The following COL26A1 variants were observed in gnomAD, a reference collection of about 807,000 sequenced individuals.
COL26A1 encodes the protein collagen type XXVI alpha 1 chain, also known as collagen alpha-1(XXVI) chain.
A neutral mutation model predicts 59.3 loss-of-function variants in COL26A1; 41 were observed. That is an observed-to-expected ratio of 0.69 (90% CI 0.54 to 0.90). COL26A1 has a LOEUF of 0.90. COL26A1 is among the 40% of genes least tolerant of loss of function. The probability of loss-of-function intolerance (pLI) is 0.00; values close to 1 mark genes in which losing one functional copy is unlikely to be tolerated. For synonymous variants in COL26A1, 266 were observed against 256.0 expected, an observed-to-expected ratio of 1.04 and a Z score of -0.37; for missense variants, 612 against 602.3, an observed-to-expected ratio of 1.02 and a Z score of -0.17.
intron 1 of COL26A1, among the ~76,000 whole-genome samples, chr7:101,399,949 G>A (rs553530342): frequency 3.0e-4 from 46 of 152,272 alleles, no homozygotes; most frequent in African/African-American, 9.1e-4. Flanking sequence ...AGATGCTGCC[G>A]CAGAGATCCA....
rs1457821876 is a variant in COL26A1, at chr7:101,363,167, T to C, written c.135T>C (p.Pro45=). 15 of 1,261,900 alleles carry C rather than the reference T, an allele frequency of 1.2e-5. No individual in the cohort carries two copies. The Admixed American group carries it at 3.0e-4, about 25-fold the overall frequency. The allele number at this position is 1,261,900 out of a possible 1,614,324, so 78.2% of individuals were successfully genotyped here. A position where few individuals can be genotyped will look rare whatever the true frequency, so the allele number is the denominator to read the frequency against. The change falls in exon 1 of 13, where the codon CCT becomes CCC. Residue 45 remains proline (P), a synonymous_variant. Coordinates refer to ENST00000313669, the MANE Select transcript of COL26A1 (RefSeq NM_001278563.3). Reference sequence around the variant, plus strand: ...ACCCCGAGCCCGGCGCCGGCTCCCCTGGCAGCGGCTACGCGAGCCGCCGGT... The same window carrying C: ...ACCCCGAGCCCGGCGCCGGCTCCCCCGGCAGCGGCTACGCGAGCCGCCGGT... ...HGYPEPGAGS[P]GSGYASRRHW... is the part of the protein sequence containing the mutation.
At chr7:101,376,190 T>C (rs1791315492) in intron 1 of COL26A1, among the ~76,000 whole-genome samples, 1 of 148,438 alleles carries the variant, frequency 6.7e-6, no homozygotes, top group Non-Finnish European at 1.5e-5. Context: ...TGAATGCTTA[T>C]AGTCCCAGCT....
intron 1 of COL26A1, among the ~76,000 whole-genome samples, chr7:101,387,761 TATATATATATATATA>T (rs1336844963): frequency 1.5e-4 from 12 of 78,436 alleles, no homozygotes; most frequent in East Asian, 5.4e-4. Flanking sequence ...TATTTATATA[TATATATATATATATA>T]TATTTTTTTT....
chr7:101,447,185 A>G (rs1793217514), intron 2 of COL26A1, among the ~76,000 whole-genome samples: 1 of 152,196 alleles, frequency 6.6e-6, no homozygotes, highest in Non-Finnish European at 1.5e-5. Flanking sequence ...CTTAGGTTTT[A>G]TAATGGCGAT....
intron 3 of COL26A1, among the ~76,000 whole-genome samples, chr7:101,459,526 T>C (rs1004781589): frequency 3.4e-5 from 5 of 148,756 alleles, no homozygotes; most frequent in African/African-American, 1.3e-4. Context: ...GCCAGGATGG[T>C]CTCGATCTCC....
chr7:101,510,525 C>T (rs1794899968), intron 3 of COL26A1, among the ~76,000 whole-genome samples: 2 of 152,194 alleles, frequency 1.3e-5, no homozygotes, highest in African/African-American at 2.4e-5. Context: ...CTATTCCTGC[C>T]TTCTGACACA....
At chr7:101,485,892 C>T (rs6465810) in intron 3 of COL26A1, among the ~76,000 whole-genome samples, 2 of 152,074 alleles carry the variant, frequency 1.3e-5, no homozygotes, top group Admixed American at 6.6e-5. Context: ...CTCAGCGGAG[C>T]CCGGGCACGA....
chr7:101,457,084 G>T (rs10261587), intron 3 of COL26A1, among the ~76,000 whole-genome samples: 8,771 of 152,138 alleles, frequency 0.058, 544 homozygotes, highest in East Asian at 0.3. Flanking sequence ...AGTTTAATGG[G>T]CAGGGGACTA....
chr7:101,473,225 G>A (rs188237683), intron 3 of COL26A1, among the ~76,000 whole-genome samples: 3,271 of 151,900 alleles, frequency 0.022, 47 homozygotes, highest in Non-Finnish European at 0.034. Flanking sequence ...GACTACAGGC[G>A]CCCGCCACCA....
chr7:101,528,645 T>G (rs949633252), intron 3 of COL26A1, among the ~76,000 whole-genome samples: 1 of 151,946 alleles, frequency 6.6e-6, no homozygotes, highest in Admixed American at 6.6e-5. Context: ...CCTTCTGGAC[T>G]CAGGTGATCC....
intron 2 of COL26A1, among the ~76,000 whole-genome samples, chr7:101,447,256 C>T (rs780551696): frequency 2.1e-4 from 32 of 152,270 alleles, no homozygotes; most frequent in Non-Finnish European, 4.3e-4. Context: ...TGCATGACCC[C>T]GTAAACCATA....
chr7:101,434,934 G>T (rs991479987), intron 2 of COL26A1, among the ~76,000 whole-genome samples: 6 of 152,310 alleles, frequency 3.9e-5, no homozygotes, highest in Admixed American at 3.9e-4. Context: ...ATTGGAGGGA[G>T]ACCTGGTCCG....
chr7:101,501,470 T>C (rs1794705541), intron 3 of COL26A1, among the ~76,000 whole-genome samples: 1 of 152,208 alleles, frequency 6.6e-6, no homozygotes, highest in South Asian at 2.1e-4. Context: ...AGCCAGTTTC[T>C]TCAGCTCCAA....
chr7:101,544,337 C>T (rs1795683323), intron 6 of COL26A1, among the ~76,000 whole-genome samples: 1 of 152,100 alleles, frequency 6.6e-6, no homozygotes, highest in East Asian at 1.9e-4. Context: ...AAGCAATTCT[C>T]CTGCCTCAGC....
In COL26A1 at chr7:101,550,637, G is replaced by T. The variant is rs537983901; in HGVS notation, c.994-471G>T. ...GCATTTCCTGAGAAGGGGAGGCTTCGGGATGGGGGGCACCAGGAGTTCCCT... is the reference window on the plus strand; with the variant it reads ...GCATTTCCTGAGAAGGGGAGGCTTCTGGATGGGGGGCACCAGGAGTTCCCT... On this transcript the variant is annotated intron_variant, in intron 9 of 12. Transcript: ENST00000313669. Among the ~76,000 whole-genome samples, 3 of 151,834 alleles carry T rather than the reference G, an allele frequency of 2.0e-5. No individual in the cohort carries two copies. The South Asian group carries it at 6.2e-4, about 31-fold the overall frequency.
At chr7:101,381,242 T>G (rs1278144826) in intron 1 of COL26A1, among the ~76,000 whole-genome samples, 2 of 152,162 alleles carry the variant, frequency 1.3e-5, no homozygotes, top group African/African-American at 4.8e-5. Flanking sequence ...TTTATCAGCA[T>G]TCCTTGACTT....
At chr7:101,483,990 A>AGTGTGTGTGT (rs55863250) in intron 3 of COL26A1, among the ~76,000 whole-genome samples, 11,944 of 127,844 alleles carry the variant, frequency 0.093, 722 homozygotes, top group Middle Eastern at 0.12. Flanking sequence ...AACTTTTTAA[A>AGTGTGTGTGT]GTGTGTGTGT....
intron 12 of COL26A1, among the ~76,000 whole-genome samples, chr7:101,556,843 G>A (rs1795986015): frequency 6.6e-6 from 1 of 151,498 alleles, no homozygotes; most frequent in Non-Finnish European, 1.5e-5. Context: ...ATAGATGGAT[G>A]GGTAAATGAG....
chr7:101,478,479 T>C, intron 3 of COL26A1, among the ~76,000 whole-genome samples: 1 of 152,176 alleles, frequency 6.6e-6, no homozygotes, highest in East Asian at 1.9e-4. Context: ...ACCATTCTAA[T>C]GGTAAAGTTA....
Sources: allele counts gnomAD v4.1 joint callset (sites outside exome capture counted in the v4.1 genomes callset), GRCh38; gene constraint gnomAD v4.1.1; transcripts MANE v1.5; gene names NCBI Gene and HGNC (gene_info 2026-07-23, HGNC 2026-07-21).